The following LIFR variants were observed in gnomAD, a reference collection of about 807,000 sequenced individuals.
LIFR encodes the protein LIF receptor subunit alpha, also known as leukemia inhibitory factor receptor.
Under a neutral mutation model 122.2 loss-of-function variants are expected in LIFR, and 84 were observed. The observed-to-expected ratio is 0.69, with a 90% CI of 0.58 to 0.82. The LOEUF is 0.82. Among genes scored for constraint, LIFR ranks in the 40% least tolerant of loss-of-function variants. The pLI is 0.00. For missense variants in LIFR, 1,294 were observed against 1,311.6 expected, an observed-to-expected ratio of 0.99 and a Z score of 0.21; for synonymous variants, 422 against 434.7, an observed-to-expected ratio of 0.97 and a Z score of 0.36.
chr5:38,550,245 C>T (rs929253177), intron 1 of LIFR: 8 of 976,264 alleles, frequency 8.2e-6, no homozygotes, highest in African/African-American at 1.8e-5. Context: ...ACAATCATAT[C>T]CCCATATGGC....
Position 38,476,377 on chromosome 5 carries a change from G to A in LIFR, c.*5218C>T, listed in dbSNP as rs900119099. On this transcript the variant is annotated 3_prime_UTR_variant, in exon 20 of 20. Coordinates refer to ENST00000453190, the MANE Select transcript of LIFR (RefSeq NM_001127671.2). ...TGTTTAGGAAAATAGTTCGGAAGCT[G>A]AAAGTTACCCATTTAAAATGGAATA... The A allele has an allele frequency of 6.7e-5, 14 of 208,970 alleles. No homozygotes were observed. Among genetic ancestry groups the A allele is most frequent in the Admixed American group, 1.2e-4 (2 of 16,932 alleles). The allele number at this position is 208,970 out of a possible 1,614,324, so 12.9% of individuals were successfully genotyped here. A position where few individuals can be genotyped will look rare whatever the true frequency, so the allele number is the denominator to read the frequency against.
At chr5:38,605,306 A>G (rs888340807) in intron 2 of LIFR, among the ~76,000 whole-genome samples, 6 of 152,104 alleles carry the variant, frequency 3.9e-5, no homozygotes, top group African/African-American at 9.7e-5. Context: ...CCACATAGAG[A>G]CTAAGAGCAA....
chr5:38,477,131 G>A lies in LIFR; in HGVS notation c.*4464C>T, dbSNP rs1579983333. ...GTTCATCTGTAATAAGCATGAATACGACCATGTAATAATTAATAGCACTAA... is the reference window on the plus strand; with the variant it reads ...GTTCATCTGTAATAAGCATGAATACAACCATGTAATAATTAATAGCACTAA... On this transcript the variant is annotated 3_prime_UTR_variant, in exon 20 of 20. Transcript: ENST00000453190. 1 of 221,962 alleles carries A rather than the reference G, an allele frequency of 4.5e-6. No individual in the cohort carries two copies. Among genetic ancestry groups the A allele is most frequent in the African/African-American group, 2.2e-5 (1 of 44,830 alleles). 13.7% of individuals were successfully genotyped at this position (221,962 alleles called of 1,614,324 possible).
chr5:38,563,187 C>T (rs920690225), intron 1 of LIFR, among the ~76,000 whole-genome samples: 1 of 152,088 alleles, frequency 6.6e-6, no homozygotes, highest in African/African-American at 2.4e-5. Flanking sequence ...TATTTTGTTC[C>T]CAGGGTCTTG....
Position 38,517,683 on chromosome 5 carries a change from C to T in LIFR, c.562-5719G>A, listed in dbSNP as rs566100638. On this transcript the variant is annotated intron_variant, in intron 5 of 19. Coordinates refer to ENST00000453190, the MANE Select transcript of LIFR (RefSeq NM_001127671.2). ...CCATCCTGGCTAACACGGTGAAACC[C>T]CATCTCCACTAAAAATACAAAAAGT... Among the ~76,000 whole-genome samples the T allele has an allele frequency of 5.3e-5, 8 of 151,502 alleles. No individual in the cohort carries two copies. In the South Asian group the frequency reaches 1.7e-3, roughly 32 times the overall value.
chr5:38,491,549 T>C (rs1435178249), intron 14 of LIFR, among the ~76,000 whole-genome samples: 3 of 152,174 alleles, frequency 2.0e-5, no homozygotes, highest in East Asian at 1.9e-4. Flanking sequence ...GCAGGGGGGA[T>C]TGGCAGCATA....
At chr5:38,571,117 G>A (rs1749194242) in intron 1 of LIFR, among the ~76,000 whole-genome samples, 1 of 152,210 alleles carries the variant, frequency 6.6e-6, no homozygotes, top group Non-Finnish European at 1.5e-5. Flanking sequence ...AAATGTGGGT[G>A]TAGGCTGCAA....
At chr5:38,533,389 T>C (rs913842809) in intron 1 of LIFR, among the ~76,000 whole-genome samples, 2 of 152,194 alleles carry the variant, frequency 1.3e-5, no homozygotes, top group Non-Finnish European at 2.9e-5. Context: ...TAGACCATCA[T>C]AAAGCACAGG....
intron 1 of LIFR, among the ~76,000 whole-genome samples, chr5:38,534,378 T>G (rs1747181539): frequency 6.6e-6 from 1 of 152,154 alleles, no homozygotes; most frequent in South Asian, 2.1e-4. Flanking sequence ...AACATACACT[T>G]GGCCAGACTG....
Position 38,550,722 on chromosome 5 carries a change from G to C in LIFR, c.-20+5612C>G, listed in dbSNP as rs76523001. ...GGACACGGTGGTAAATCTCGCAAAA[G>C]TTCCTGCCCTTGAGGAGCTGTTGGT... On this transcript the variant is annotated intron_variant, in intron 1 of 19. Coordinates refer to ENST00000453190, the MANE Select transcript of LIFR (RefSeq NM_001127671.2). Among the ~76,000 whole-genome samples the C allele has an allele frequency of 5.9e-3, 895 of 152,236 alleles. 12 individuals carry two copies. Among genetic ancestry groups the C allele is most frequent in the African/African-American group, 0.02 (844 of 41,522 alleles).
chr5:38,496,642 G>T, intron 12 of LIFR, 47 bp from the exon 13 acceptor site: 1 of 1,375,476 alleles, frequency 7.3e-7, no homozygotes, highest in Non-Finnish European at 1.0e-6. Context: ...AAACGTGACT[G>T]TGACTAGGCA....
chr5:38,481,960 C>T lies in LIFR; in HGVS notation c.2929G>A (p.Val977Ile). Reference protein sequence around the residue: ...GGTAQVIYIDVQSMYQPQAKP... With the variant: ...GGTAQVIYIDIQSMYQPQAKP... ...GCTTGAGGCTGATACATCGACTGAA[C>T]ATCAATGTAAATAACCTGTGCAGTC... Residue 977 changes from valine to isoleucine, a missense_variant, in exon 20 of 20, where the codon GTT becomes ATT. Transcript: ENST00000453190. 1 of 1,614,108 alleles carries T rather than the reference C, an allele frequency of 6.2e-7. No individual in the cohort carries two copies. The highest frequency in any genetic ancestry group is 8.5e-7 in the Non-Finnish European group (1 of 1,180,022).
At chr5:38,515,590 C>T (rs534117365) in intron 5 of LIFR, among the ~76,000 whole-genome samples, 9 of 134,308 alleles carry the variant, frequency 6.7e-5, no homozygotes, top group African/African-American at 8.6e-5. Flanking sequence ...TGGCAGGCTG[C>T]GGGGAGAAGG....
intron 12 of LIFR, 131 bp from the exon 13 acceptor site, chr5:38,496,726 A>T: frequency 1.4e-6 from 1 of 721,228 alleles, no homozygotes; most frequent in Admixed American, 2.0e-5. Context: ...CACGCTTATA[A>T]TTCCAGCACT....
intron 1 of LIFR, among the ~76,000 whole-genome samples, chr5:38,551,427 C>T (rs1375308070): frequency 2.6e-5 from 4 of 152,164 alleles, no homozygotes; most frequent in Admixed American, 6.5e-5. Flanking sequence ...ATCTCACTGC[C>T]CCATTAGCAT....
chr5:38,496,950 CTG>C (rs1744914455), intron 12 of LIFR, among the ~76,000 whole-genome samples: 1 of 152,212 alleles, frequency 6.6e-6, no homozygotes, highest in South Asian at 2.1e-4. Context: ...GTACTCCAGT[CTG>C]AGCAACAGAG....
At chr5:38,544,136 A>G (rs1747742543) in intron 1 of LIFR, among the ~76,000 whole-genome samples, 1 of 152,064 alleles carries the variant, frequency 6.6e-6, no homozygotes, top group African/African-American at 2.4e-5. Context: ...CCACCCCCAA[A>G]TTAAGCGCAC....
chr5:38,598,250 TTTTTTTTTTC>T (rs1561235572), upstream of LIFR, among the ~76,000 whole-genome samples: 27 of 60,050 alleles, frequency 4.5e-4, 1 homozygote, highest in African/African-American at 1.3e-3. Context: ...TATTTATTTT[TTTTTTTTTTC>T]TTTTTAGAGG....
At chr5:38,595,858 G>A (rs1352822657), upstream of LIFR, among the ~76,000 whole-genome samples, 7 of 98,500 alleles carry the variant, frequency 7.1e-5, no homozygotes, top group South Asian at 8.5e-4. Context: ...TCAGCCTCCC[G>A]AGTAGCTGGG....
Sources: allele counts gnomAD v4.1 joint callset (sites outside exome capture counted in the v4.1 genomes callset), GRCh38; gene constraint gnomAD v4.1.1; transcripts MANE v1.5; gene names NCBI Gene and HGNC (gene_info 2026-07-23, HGNC 2026-07-21).